Variants in ACO2 observed in about 807,000 individuals in gnomAD.
ACO2 encodes aconitase 2, also known as aconitate hydratase, mitochondrial.
In ACO2, 31 loss-of-function variants were observed where a neutral mutation model predicts 84.5. That is an observed-to-expected ratio of 0.37 (90% CI 0.28 to 0.50). The LOEUF (loss-of-function observed/expected upper bound fraction) is 0.50. Among genes scored for constraint, ACO2 ranks in the 20% least tolerant of loss-of-function variants. The probability of loss-of-function intolerance (pLI) is 0.97; values close to 1 mark genes in which losing one functional copy is unlikely to be tolerated. For synonymous variants in ACO2, 414 were observed against 412.7 expected (o/e 1.00, Z -0.04); for missense variants, 685 against 1,029.3 (o/e 0.67, Z 4.58).
Position 41,490,506 on chromosome 22 carries a change from C to CT in ACO2, c.37-9219dup, listed in dbSNP as rs1303121314. 9.2e-5 allele frequency among the ~76,000 whole-genome samples: 14 copies of CT among 152,286 alleles called. No homozygotes were observed. The South Asian group carries it at 2.5e-3, about 27-fold the overall frequency. The stretch of plus-strand genomic sequence containing the variant: ...AGCCAGAATTTATTCAATCAGTGCC[C>CT]TGTGTATGGACAATTGGGTTGTTCT... On this transcript the variant is annotated intron_variant, in intron 1 of 17. Coordinates refer to ENST00000216254, the MANE Select transcript of ACO2 (RefSeq NM_001098.3).
intron 1 of ACO2, among the ~76,000 whole-genome samples, chr22:41,497,535 G>A (rs1419160050): frequency 2.0e-5 from 3 of 151,896 alleles, no homozygotes; most frequent in Non-Finnish European, 2.9e-5. Flanking sequence ...GAGGCCAGGA[G>A]TTTGAAATCA....
intron 1 of ACO2, among the ~76,000 whole-genome samples, chr22:41,482,138 C>A (rs1237551917): frequency 2.0e-5 from 3 of 152,164 alleles, no homozygotes; most frequent in Non-Finnish European, 2.9e-5. Context: ...GCCCACTGTT[C>A]TGTGTTGGTA....
intron 9 of ACO2, among the ~76,000 whole-genome samples, chr22:41,520,972 C>T (rs1601923449): frequency 7.1e-6 from 1 of 140,110 alleles, no homozygotes; most frequent in East Asian, 2.2e-4. Flanking sequence ...GGTACCACTG[C>T]ATTCCAGCCT....
intron 1 of ACO2, among the ~76,000 whole-genome samples, chr22:41,485,665 G>A (rs182248173): frequency 1.1e-4 from 16 of 151,760 alleles, no homozygotes; most frequent in African/African-American, 3.4e-4. Flanking sequence ...GGATGGTCTC[G>A]ATCTCCTGAC....
At chr22:41,526,534 G>A in intron 15 of ACO2, 81 bp downstream of exon 15, 5 of 1,484,552 alleles carry the variant, frequency 3.4e-6, no homozygotes, top group Non-Finnish European at 4.5e-6. Flanking sequence ...GACATTAGGG[G>A]AGTGGAAACT....
Position 41,528,667 on chromosome 22 carries a change from A to G in ACO2, c.*54A>G, listed in dbSNP as rs1431475405. The G allele has an allele frequency of 6.3e-7, 1 of 1,597,392 alleles. No homozygotes were observed. The highest frequency in any genetic ancestry group is 8.5e-7 in the Non-Finnish European group (1 of 1,174,624). On this transcript the variant is annotated 3_prime_UTR_variant, in exon 18 of 18. Transcript: ENST00000216254. ...CGTCAAGTTCAGCTCCACGTGTGCC[A>G]TCAGTGGATCCGATCCGTCCAGCCA...
intron 8 of ACO2, among the ~76,000 whole-genome samples, 168 bp from the exon 9 acceptor site, chr22:41,520,003 C>T (rs1353962618): frequency 2.0e-5 from 3 of 152,118 alleles, no homozygotes; most frequent in Non-Finnish European, 2.9e-5. Flanking sequence ...AGCCCGGGAG[C>T]GGGTGTGTGC....
intron 2 of ACO2, among the ~76,000 whole-genome samples, chr22:41,506,162 A>G (rs1490938157): frequency 1.3e-5 from 2 of 151,806 alleles, no homozygotes; most frequent in Non-Finnish European, 2.9e-5. Flanking sequence ...ATCAGGGCTC[A>G]CTGCAGCCTT....
In ACO2 at chr22:41,527,961, A is replaced by G. The variant is rs1192448800; in HGVS notation, c.2147A>G (p.Asn716Ser). Residue 716 changes from asparagine to serine, a missense_variant, in exon 17 of 18, where the codon AAC (asparagine) becomes AGC (serine). Asn to Ser is a conservative substitution (Grantham distance 46). This residue lies in a region of ACO2 where 174 missense variants were observed against 236.6 expected (regional missense o/e 0.74). Coordinates refer to ENST00000216254, the MANE Select transcript of ACO2 (RefSeq NM_001098.3). ...PLTFADPADYNKIHPVDKLTI... is the reference protein window; with the variant it reads ...PLTFADPADYSKIHPVDKLTI... ...ACCTTCGCTGACCCGGCTGACTACA[A>G]CAAGATTCACCCTGTGGACAAGCTG... The G allele has an allele frequency of 6.2e-7, 1 of 1,614,068 alleles. No individual in the cohort carries two copies. The highest frequency in any genetic ancestry group is 1.3e-5 in the African/African-American group (1 of 74,932).
intron 1 of ACO2, among the ~76,000 whole-genome samples, chr22:41,490,921 AAC>A (rs2066267298): frequency 6.6e-6 from 1 of 152,006 alleles, no homozygotes; most frequent in Non-Finnish European, 1.5e-5. Context: ...GTTATGAATA[AAC>A]AGAGACAATC....
chr22:41,489,627 T>G (rs1343078912), intron 1 of ACO2, among the ~76,000 whole-genome samples: 1 of 152,098 alleles, frequency 6.6e-6, no homozygotes, highest in Non-Finnish European at 1.5e-5. Flanking sequence ...TCCCTTACTC[T>G]GGAGGTAAGG....
At chr22:41,477,276 C>T (rs943517389) in intron 1 of ACO2, among the ~76,000 whole-genome samples, 6 of 151,726 alleles carry the variant, frequency 4.0e-5, no homozygotes, top group African/African-American at 1.5e-4. Flanking sequence ...GCCTCAGCCT[C>T]CTGCGTAGCT....
At chr22:41,478,920 G>A (rs2038054157) in intron 1 of ACO2, among the ~76,000 whole-genome samples, 1 of 151,954 alleles carries the variant, frequency 6.6e-6, no homozygotes, top group African/African-American at 2.4e-5. Context: ...AGAGGCATGC[G>A]CCACCACACC....
intron 9 of ACO2, among the ~76,000 whole-genome samples, chr22:41,521,766 G>A (rs572033024): frequency 6.6e-6 from 1 of 151,640 alleles, no homozygotes; most frequent in Non-Finnish European, 1.5e-5. Flanking sequence ...GCTTTTGCCA[G>A]TAATCCCAAC....
At chr22:41,501,756 T>C (rs540041682) in intron 2 of ACO2, among the ~76,000 whole-genome samples, 8 of 152,144 alleles carry the variant, frequency 5.3e-5, no homozygotes, top group Non-Finnish European at 1.2e-4. Context: ...CTCTAACCAC[T>C]ACCCCATACT....
At chr22:41,492,429 G>A (rs2066278362) in intron 1 of ACO2, among the ~76,000 whole-genome samples, 1 of 152,150 alleles carries the variant, frequency 6.6e-6, no homozygotes, top group Non-Finnish European at 1.5e-5. Flanking sequence ...CTGAGGTCAG[G>A]AGTTTGAGAC....
At chr22:41,528,053 G>C (rs1569026570) in intron 17 of ACO2, 31 bp downstream of exon 17, 1 of 1,613,674 alleles carries the variant, frequency 6.2e-7, no homozygotes, top group East Asian at 2.2e-5. Context: ...TGAGGTGGTG[G>C]GGTGAGGGGC....
Position 41,520,206 on chromosome 22 carries a change from C to T in ACO2, c.1068C>T (p.Asp356=). ...KPHINGPFTP[D]LAHPVAEVGK... The stretch of plus-strand genomic sequence containing the variant: ...ACATCAATGGGCCCTTCACCCCTGA[C>T]CTGGCTCACCCTGTGGCAGAAGTGG... The change falls in exon 9 of 18, where the codon GAC becomes GAT. Residue 356 remains aspartate (D), a synonymous_variant. Transcript: ENST00000216254. The T allele has an allele frequency of 1.2e-6, 2 of 1,613,958 alleles. No homozygotes were observed. The highest frequency in any genetic ancestry group is 1.7e-6 in the Non-Finnish European group (2 of 1,179,914).
chr22:41,488,310 G>T (rs1368767095), intron 1 of ACO2, among the ~76,000 whole-genome samples: 1 of 152,160 alleles, frequency 6.6e-6, no homozygotes, highest in Non-Finnish European at 1.5e-5. Flanking sequence ...CCCTAGCAGG[G>T]TGACATGCTG....
Sources: gnomAD v4.1 joint callset for allele counts (sites outside exome capture counted in the v4.1 genomes callset) on GRCh38, gnomAD v4.1.1 for gene constraint, gnomAD v4.1.1 regional missense constraint, MANE v1.5 for transcripts, NCBI Gene and HGNC (gene_info 2026-07-23, HGNC 2026-07-21) for gene names.